CCDC187: variants seen among roughly 807,000 people sequenced by gnomAD.
The protein encoded by CCDC187 is coiled-coil domain containing 187.
Under a neutral mutation model 38.0 loss-of-function variants are expected in CCDC187, and 32 were observed. The observed-to-expected ratio is 0.84, with a 90% CI of 0.64 to 1.13. The LOEUF (loss-of-function observed/expected upper bound fraction) is 1.13. Among genes scored for constraint, CCDC187 ranks in the 50% most tolerant of loss-of-function variants. The pLI is 0.00. For synonymous variants in CCDC187, 333 were observed against 347.9 expected, an observed-to-expected ratio of 0.96 and a Z score of 0.48; for missense variants, 707 against 786.8, an observed-to-expected ratio of 0.90 and a Z score of 1.21.
Position 136,258,784 on chromosome 9 carries a change from G to A in CCDC187, c.4366+148C>T, listed in dbSNP as rs115626821. Reference sequence around the variant, plus strand: ...CACTCTTCTTGCAGTGAAGGGGTCTGAGGCCAGGGTGGGGGGCCACCAGGG... The same window carrying A: ...CACTCTTCTTGCAGTGAAGGGGTCTAAGGCCAGGGTGGGGGGCCACCAGGG... On this transcript the variant is annotated intron_variant, in intron 22 of 25. Transcript: ENST00000638797. The surrounding 1 kb of genome is among the most constrained non-coding windows in gnomAD (Gnocchi z 4.3). 754 of 985,496 alleles carry A rather than the reference G, an allele frequency of 7.7e-4. 5 individuals carry two copies. The African/African-American group carries it at 0.011, about 14-fold the overall frequency. 61.0% of individuals were successfully genotyped at this position (985,496 alleles called of 1,614,324 possible). A position where few individuals can be genotyped will look rare whatever the true frequency, so the allele number is the denominator to read the frequency against.
intron 18 of CCDC187, among the ~76,000 whole-genome samples, 173 bp downstream of exon 18, chr9:136,263,449 T>C (rs572647129): frequency 1.3e-5 from 2 of 152,272 alleles, no homozygotes; most frequent in Admixed American, 1.3e-4. Context: ...TTAGCCAGGA[T>C]GGTCTCCATC....
At chr9:136,295,387 G>A (rs1342333089) in intron 4 of CCDC187, among the ~76,000 whole-genome samples, 1 of 152,212 alleles carries the variant, frequency 6.6e-6, no homozygotes, top group African/African-American at 2.4e-5. Context: ...TTCTTCCGCT[G>A]AGCAGTTTAA....
intron 4 of CCDC187, among the ~76,000 whole-genome samples, 165 bp from the exon 5 acceptor site, chr9:136,292,460 G>A (rs1831357537): frequency 6.6e-6 from 1 of 152,184 alleles, no homozygotes; most frequent in African/African-American, 2.4e-5. Flanking sequence ...GGGCAGAGCG[G>A]GACCCTCAGC....
chr9:136,267,412 C>T lies in CCDC187; in HGVS notation c.3619G>A (p.Glu1207Lys), dbSNP rs1830766056. The T allele has an allele frequency of 3.0e-6, 3 of 985,436 alleles. No individual in the cohort carries two copies. The highest frequency in any genetic ancestry group is 1.7e-5 in the African/African-American group (1 of 57,240). 61.0% of individuals were successfully genotyped at this position (985,436 alleles called of 1,614,324 possible). A position where few individuals can be genotyped will look rare whatever the true frequency, so the allele number is the denominator to read the frequency against. Reference protein sequence around the residue: ...EMALQEKTLAELAWLEHRRGC... With the variant: ...EMALQEKTLAKLAWLEHRRGC... Reference sequence around the variant, plus strand: ...CGTCGATGCTCCAGCCAGGCCAGCTCCGCGAGCGTTTTCTCCTGGAGCGCC... The same window carrying T: ...CGTCGATGCTCCAGCCAGGCCAGCTTCGCGAGCGTTTTCTCCTGGAGCGCC... The change falls in exon 16 of 26, where the codon GAG becomes AAG. Residue 1207 changes from glutamate (E) to lysine (K), a missense_variant. Glu to Lys is a moderately conservative substitution (Grantham distance 56, BLOSUM62 1). Transcript: ENST00000638797.
chr9:136,303,237 G>A lies in CCDC187; in HGVS notation c.200C>T (p.Ser67Phe), dbSNP rs2131372288. The A allele has an allele frequency of 2.5e-6, 1 of 398,192 alleles. No homozygotes were observed. Among genetic ancestry groups the A allele is most frequent in the East Asian group, 3.6e-5 (1 of 28,062 alleles). 24.7% of individuals were successfully genotyped at this position (398,192 alleles called of 1,614,324 possible). The change falls in exon 2 of 26, where the codon TCC becomes TTC. Residue 67 changes from serine to phenylalanine, a missense_variant. By Grantham distance (155) the Ser-to-Phe change is radical. Transcript: ENST00000638797. ...TGCCCAGGGTGGGTCTGGCTGCTGG[G>A]AGGGCCCGGGCCACCTCAGGGCTGC... ...DVAALRWPGP[S>F]QQPDPPWAAP...
At chr9:136,280,179 T>C (rs1831011468) in intron 10 of CCDC187, among the ~76,000 whole-genome samples, 1 of 152,260 alleles carries the variant, frequency 6.6e-6, no homozygotes, top group Non-Finnish European at 1.5e-5. Context: ...TCCTGTTGAA[T>C]TCTCCCCTTG....
intron 18 of CCDC187, among the ~76,000 whole-genome samples, chr9:136,262,790 A>G (rs1319951604): frequency 6.6e-6 from 1 of 152,146 alleles, no homozygotes; most frequent in African/African-American, 2.4e-5. Context: ...AGCTCAGATC[A>G]TTCAATCCTC....
At chr9:136,263,917 T>G in intron 17 of CCDC187, 119 bp from the exon 18 acceptor site, 1 of 695,012 alleles carries the variant, frequency 1.4e-6, no homozygotes, top group African/African-American at 1.9e-5. Context: ...AGGCCTCCCT[T>G]TCCCTCCAAT....
upstream of CCDC187, chr9:136,306,689 G>A (rs1831808475): frequency 1.3e-5 from 2 of 152,750 alleles, no homozygotes; most frequent in Admixed American, 1.3e-4. Flanking sequence ...CACCTTCCAT[G>A]TCCCCAAGGC....
At chr9:136,272,855 C>T (rs1288852668) in intron 14 of CCDC187, among the ~76,000 whole-genome samples, 1 of 152,114 alleles carries the variant, frequency 6.6e-6, no homozygotes, top group Non-Finnish European at 1.5e-5. Flanking sequence ...GCATGGGTGA[C>T]ACAGTGAGAC....
At chr9:136,266,173 G>A (rs1348759554) in intron 16 of CCDC187, 130 bp from the exon 17 acceptor site, 1 of 378,698 alleles carries the variant, frequency 2.6e-6, no homozygotes, top group Non-Finnish European at 3.6e-6. Flanking sequence ...AGGCACCAGG[G>A]AGGACGCAGC....
rs535606407 is a variant in CCDC187, at chr9:136,257,374, A to T, written c.4367-533T>A. Among the ~76,000 whole-genome samples the T allele has an allele frequency of 3.0e-3, 289 of 96,072 alleles. No homozygotes were observed. The highest frequency in any genetic ancestry group is 9.2e-3 in the African/African-American group (260 of 28,260). 63.0% of individuals were successfully genotyped at this position (96,072 alleles called of 152,430 possible). A position where few individuals can be genotyped will look rare whatever the true frequency, so the allele number is the denominator to read the frequency against. On this transcript the variant is annotated intron_variant, in intron 22 of 25. Coordinates refer to ENST00000638797, the MANE Select transcript of CCDC187 (RefSeq NM_001378188.1). This position sits in a 1 kb window ranked among gnomAD's most constrained non-coding sequence, Gnocchi z 4.5. Reference sequence around the variant, plus strand: ...GGAGAGAGTGAGACTTTGTCTCAAAATTATAATAATAATAATAATAATAAT... The same window carrying T: ...GGAGAGAGTGAGACTTTGTCTCAAATTTATAATAATAATAATAATAATAAT...
In CCDC187 at chr9:136,259,389, C is replaced by T. The variant is rs1207281958; in HGVS notation, c.4270G>A (p.Gly1424Arg). The T allele has an allele frequency of 4.9e-5, 48 of 984,870 alleles. No individual in the cohort carries two copies. The highest frequency in any genetic ancestry group is 5.5e-5 in the Non-Finnish European group (46 of 829,920). The allele number at this position is 984,870 out of a possible 1,614,324, so 61.0% of individuals were successfully genotyped here. A position where few individuals can be genotyped will look rare whatever the true frequency, so the allele number is the denominator to read the frequency against. Residue 1424 changes from glycine (G) to arginine (R), a missense_variant, in exon 21 of 26, where the codon GGA becomes AGA. Coordinates refer to ENST00000638797, the MANE Select transcript of CCDC187 (RefSeq NM_001378188.1). ...LGLQHVSPPDGQRLGPAFPAE... is the reference protein window; with the variant it reads ...LGLQHVSPPDRQRLGPAFPAE... The stretch of plus-strand genomic sequence containing the variant: ...GGAAAGGCTGGGCCCAGCCGCTGTC[C>T]GTCCGGGGGGCTCACGTGCTGCAGG...
intron 4 of CCDC187, among the ~76,000 whole-genome samples, chr9:136,293,360 TTCACATGCTCACACACTCACAC>T (rs1230624123): frequency 4.6e-5 from 4 of 87,566 alleles, no homozygotes; most frequent in East Asian, 3.3e-4. Flanking sequence ...CTCACACACA[TTCACATGCTCACACACTCACAC>T]TCACATGCTC....
At chr9:136,293,330 T>TCACATGCTC (rs1831402620) in intron 4 of CCDC187, among the ~76,000 whole-genome samples, 2 of 82,618 alleles carry the variant, frequency 2.4e-5, no homozygotes, top group East Asian at 3.6e-4. Context: ...CTCACATGCT[T>TCACATGCTC]ACACACTCAC....
chr9:136,279,358 C>T (rs1214297608), intron 10 of CCDC187, among the ~76,000 whole-genome samples: 1 of 152,222 alleles, frequency 6.6e-6, no homozygotes, highest in Non-Finnish European at 1.5e-5. Context: ...TTCTCTCGGA[C>T]AGTGCTGCCT....
rs188111158 is a variant in CCDC187, at chr9:136,250,752, T to C, written c.*2842A>G. The C allele has an allele frequency of 4.6e-4, 209 of 456,280 alleles. No individual in the cohort carries two copies. The highest frequency in any genetic ancestry group is 7.5e-4 in the Non-Finnish European group (170 of 226,954). The allele number at this position is 456,280 out of a possible 1,614,324, so 28.3% of individuals were successfully genotyped here. On this transcript the variant is annotated 3_prime_UTR_variant, in exon 26 of 26. Coordinates refer to ENST00000638797, the MANE Select transcript of CCDC187 (RefSeq NM_001378188.1). Reference sequence around the variant, plus strand: ...TGCATGGCCCGAGCTGGGCTTCCTGTGCACATGGTGAATGGGGACCCTGAC... The same window carrying C: ...TGCATGGCCCGAGCTGGGCTTCCTGCGCACATGGTGAATGGGGACCCTGAC...
chr9:136,292,552 C>T (rs966569464), intron 4 of CCDC187, among the ~76,000 whole-genome samples: 1 of 152,212 alleles, frequency 6.6e-6, no homozygotes, highest in East Asian at 1.9e-4. Context: ...CTCCCTGACC[C>T]TCAGAGTCCT....
At chr9:136,305,719 T>C (rs1201972840), upstream of CCDC187, among the ~76,000 whole-genome samples, 1 of 152,218 alleles carries the variant, frequency 6.6e-6, no homozygotes, top group East Asian at 1.9e-4. Flanking sequence ...TGCGTGGAAA[T>C]GCGTCGCTGT....
Sources: gnomAD v4.1 joint callset for allele counts (sites outside exome capture counted in the v4.1 genomes callset) on GRCh38, gnomAD v4.1.1 for gene constraint, Gnocchi (gnomAD v3.1) non-coding constraint, MANE v1.5 for transcripts, NCBI Gene and HGNC (gene_info 2026-07-23, HGNC 2026-07-21) for gene names.